MMP24: variants seen among roughly 807,000 people sequenced by gnomAD.
MMP24 encodes the protein matrix metallopeptidase 24.
Under a neutral mutation model 62.8 loss-of-function variants are expected in MMP24, and 25 were observed. That is an observed-to-expected ratio of 0.40 (90% CI 0.29 to 0.56). MMP24 has a LOEUF of 0.56. Ranked by LOEUF, MMP24 falls within the 20% of genes least tolerant of loss-of-function variation. MMP24 has a pLI of 0.50. For missense variants in MMP24, 634 were observed against 853.6 expected (o/e 0.74, Z 3.21); for synonymous variants, 319 against 350.5 (o/e 0.91, Z 1.00).
At position 35,240,483 on chromosome 20, in the gene MMP24, C is replaced by T. The variant is rs571402037; in HGVS notation, c.247-6357C>T. ...TGAGCTGTAAAGGTTAGACTTCTGA[C>T]GTGGCTGATGATTGATTAATGGATC... On this transcript the variant is annotated intron_variant, in intron 1 of 8. Transcript: ENST00000246186. 3.9e-5 allele frequency among the ~76,000 whole-genome samples: 6 copies of T among 152,168 alleles called. No homozygotes were observed. In the East Asian group the frequency reaches 5.8e-4, roughly 15 times the overall value.
intron 1 of MMP24, among the ~76,000 whole-genome samples, chr20:35,244,352 T>G (rs2060502775): frequency 6.6e-6 from 1 of 152,210 alleles, no homozygotes; most frequent in African/African-American, 2.4e-5. Flanking sequence ...ACGGATGTTT[T>G]CCTCATTTTC....
intron 4 of MMP24, chr20:35,262,594 A>C (rs2060609824): frequency 6.7e-6 from 1 of 148,912 alleles, no homozygotes; most frequent in Non-Finnish European, 1.5e-5. Flanking sequence ...GACGGGCAGG[A>C]GACAGATGCC....
At chr20:35,258,053 T>C (rs2060583595) in intron 4 of MMP24, among the ~76,000 whole-genome samples, 1 of 152,150 alleles carries the variant, frequency 6.6e-6, no homozygotes, top group Non-Finnish European at 1.5e-5. Context: ...TAAACTCTCA[T>C]TATGGAAAAT....
chr20:35,239,014 C>G (rs931749917), intron 1 of MMP24, among the ~76,000 whole-genome samples: 1 of 151,948 alleles, frequency 6.6e-6, no homozygotes, highest in East Asian at 1.9e-4. Flanking sequence ...GCTAGGACTA[C>G]AGGGGTGTGT....
Position 35,274,330 on chromosome 20 carries a change from C to T in MMP24, c.1659C>T (p.Ser553=), listed in dbSNP as rs761229555. 1.5e-4 allele frequency: 234 copies of T among 1,613,536 alleles called. No homozygotes were observed. The highest frequency in any genetic ancestry group is 3.7e-4 in the Admixed American group (22 of 59,996). Residue 553 remains serine, a synonymous_variant, in exon 9 of 9, where the codon AGC becomes AGT. Coordinates refer to ENST00000246186, the MANE Select transcript of MMP24 (RefSeq NM_006690.4). The surrounding 1 kb of genome is among the most constrained non-coding windows in gnomAD (Gnocchi z 5.1). ...DYWKFDNQKL[S]VEPGYPRNIL... is the part of the protein sequence containing the mutation. ...GGAAGTTTGACAACCAGAAACTGAG[C>T]GTGGAGCCAGGCTACCCGCGCAACA...
chr20:35,246,785 G>A, intron 1 of MMP24, 55 bp from the exon 2 acceptor site: 2 of 1,597,064 alleles, frequency 1.3e-6, no homozygotes, highest in East Asian at 2.2e-5. Context: ...CTCTGCCCAG[G>A]TAGAACAGAG....
At chr20:35,232,331 C>T (rs1462971040) in intron 1 of MMP24, among the ~76,000 whole-genome samples, 2 of 152,198 alleles carry the variant, frequency 1.3e-5, no homozygotes, top group Admixed American at 6.5e-5. Context: ...GCCAATATCT[C>T]CTCAGTACCT....
At chr20:35,236,866 C>T (rs1162099106) in intron 1 of MMP24, among the ~76,000 whole-genome samples, 6 of 150,812 alleles carry the variant, frequency 4.0e-5, no homozygotes, top group Non-Finnish European at 7.4e-5. Flanking sequence ...TCCAACTACT[C>T]GGGAGGCTGA....
intron 3 of MMP24, among the ~76,000 whole-genome samples, chr20:35,253,868 G>GTTTTTTTTTTTTTTT (rs11474068): frequency 7.7e-6 from 1 of 130,084 alleles, no homozygotes; most frequent in African/African-American, 3.0e-5. Context: ...TTTCCTTTGG[G>GTTTTTTTTTTTTTTT]TTTTTTTTTT....
chr20:35,227,178 C>T (rs557788576), intron 1 of MMP24, among the ~76,000 whole-genome samples, 194 bp downstream of exon 1: 1 of 150,024 alleles, frequency 6.7e-6, no homozygotes, highest in Non-Finnish European at 1.5e-5. Context: ...CGAGGGCCGC[C>T]GAGGCCGGGA....
At chr20:35,259,294 G>T (rs1356463818) in intron 4 of MMP24, among the ~76,000 whole-genome samples, 4 of 152,234 alleles carry the variant, frequency 2.6e-5, no homozygotes, top group African/African-American at 7.2e-5. Context: ...ACCACAGGTG[G>T]TTCTGCTGCA....
rs77059508 is a variant in MMP24, at chr20:35,271,487, C to T, written c.1334-82C>T. 1.9e-3 allele frequency: 2,874 copies of T among 1,507,784 alleles called. 36 individuals are homozygous for T. In the African/African-American group the frequency reaches 0.035, roughly 18 times the overall value. 93.4% of individuals were successfully genotyped at this position (1,507,784 alleles called of 1,614,324 possible). On this transcript the variant is annotated intron_variant, in intron 7 of 8. Transcript: ENST00000246186. This position sits in a 1 kb window ranked among gnomAD's most constrained non-coding sequence, Gnocchi z 4.0. ...GGGCCAAGGGGCTGAGGGCATCAGA[C>T]TGTTTTCACCTGACACCCTGAAGAT...
Position 35,274,709 on chromosome 20 carries a change from G to C in MMP24, c.*100G>C. On this transcript the variant is annotated 3_prime_UTR_variant, in exon 9 of 9. Transcript: ENST00000246186. This position sits in a 1 kb window ranked among gnomAD's most constrained non-coding sequence, Gnocchi z 5.1. Reference sequence around the variant, plus strand: ...TGGCCAGTGCTCACCAGGGCCAGCAGGGCCCTAGGCTGGGGTCGTACAGCT... The same window carrying C: ...TGGCCAGTGCTCACCAGGGCCAGCACGGCCCTAGGCTGGGGTCGTACAGCT... 9.3e-7 allele frequency: 1 copy of C among 1,080,996 alleles called. No homozygotes were observed. The highest frequency in any genetic ancestry group is 2.6e-5 in the East Asian group (1 of 38,596). 67.0% of individuals were successfully genotyped at this position (1,080,996 alleles called of 1,614,324 possible).
rs186084007 is a variant in MMP24, at chr20:35,258,411, C to T, written c.817+3657C>T. Among the ~76,000 whole-genome samples, 8 of 152,324 alleles carry T rather than the reference C, an allele frequency of 5.3e-5. No individual in the cohort carries two copies. In the East Asian group the frequency reaches 1.3e-3, roughly 26 times the overall value. On this transcript the variant is annotated intron_variant, in intron 4 of 8. Transcript: ENST00000246186. ...AATCAGGATCCAAACAAGATCCACA[C>T]ACACATGGCTGACATGTCTCTTAAA...
intron 4 of MMP24, among the ~76,000 whole-genome samples, chr20:35,261,696 G>A (rs372398586): frequency 2.6e-5 from 4 of 151,980 alleles, no homozygotes; most frequent in Non-Finnish European, 4.4e-5. Flanking sequence ...GCCCACGCCC[G>A]GGCCCCACCT....
Position 35,226,790 on chromosome 20 carries a change from C to CCAT in MMP24, c.53_54insATC (p.Pro18_Pro19insSer). The CCAT allele has an allele frequency of 1.7e-6, 1 of 579,124 alleles. No individual in the cohort carries two copies. The highest frequency in any genetic ancestry group is 1.9e-6 in the Non-Finnish European group (1 of 522,020). The allele number at this position is 579,124 out of a possible 1,614,324, so 35.9% of individuals were successfully genotyped here. The stretch of plus-strand genomic sequence containing the variant: ...CGCGCCGGGGCCGCCGCCGCCGCCG[C>CCAT]CGCCGCCGGGCCAGGCCCCGCGCTG... On this transcript the variant is annotated inframe_insertion, in exon 1 of 9. Coordinates refer to ENST00000246186, the MANE Select transcript of MMP24 (RefSeq NM_006690.4).
intron 5 of MMP24, among the ~76,000 whole-genome samples, chr20:35,265,336 G>A (rs2060627134): frequency 6.6e-6 from 1 of 152,062 alleles, no homozygotes; most frequent in African/African-American, 2.4e-5. Flanking sequence ...CAGCTACTTG[G>A]GAGGCTGAGG....
chr20:35,272,942 T>C (rs1171189772), intron 8 of MMP24, among the ~76,000 whole-genome samples: 1 of 152,234 alleles, frequency 6.6e-6, no homozygotes, highest in Non-Finnish European at 1.5e-5. Flanking sequence ...ATGCTGTATA[T>C]TTTAGCTGCT....
intron 1 of MMP24, among the ~76,000 whole-genome samples, chr20:35,233,655 A>G (rs2060448075): frequency 6.6e-6 from 1 of 152,208 alleles, no homozygotes; most frequent in East Asian, 1.9e-4. Flanking sequence ...TTATTACTGT[A>G]CTACTATCAC....
Sources: allele counts gnomAD v4.1 joint callset (sites outside exome capture counted in the v4.1 genomes callset), GRCh38; gene constraint gnomAD v4.1.1; non-coding constraint Gnocchi (gnomAD v3.1); transcripts MANE v1.5; gene names NCBI Gene and HGNC (gene_info 2026-07-23, HGNC 2026-07-21).